The following AP2B1 variants were observed in gnomAD, a reference collection of about 807,000 sequenced individuals.
AP2B1 encodes adaptor related protein complex 2 subunit beta 1.
Under a neutral mutation model 102.0 loss-of-function variants are expected in AP2B1, and 23 were observed. The observed-to-expected ratio is 0.23, with a 90% CI of 0.16 to 0.32. The LOEUF is 0.32. Ranked by LOEUF, AP2B1 falls within the 10% of genes least tolerant of loss-of-function variation. The probability of loss-of-function intolerance (pLI) is 1.00; values close to 1 mark genes in which losing one functional copy is unlikely to be tolerated. For missense variants in AP2B1, 541 were observed against 1,157.4 expected (o/e 0.47, Z 7.73); for synonymous variants, 381 against 421.2 (o/e 0.90, Z 1.17).
At chr17:35,616,686 AGGATTCAGTCC>A (rs2074031604) in intron 5 of AP2B1, among the ~76,000 whole-genome samples, 1 of 152,194 alleles carries the variant, frequency 6.6e-6, no homozygotes, top group African/African-American at 2.4e-5. Context: ...TCGCTATTCC[AGGATTCAGTCC>A]GGAATACCAA....
chr17:35,634,212 G>C (rs1055396272), intron 9 of AP2B1, among the ~76,000 whole-genome samples: 44 of 152,306 alleles, frequency 2.9e-4, no homozygotes, highest in African/African-American at 1.0e-3. Flanking sequence ...TTTGGTGCCA[G>C]GTATTGAAGA....
intron 20 of AP2B1, among the ~76,000 whole-genome samples, chr17:35,714,720 G>GAA (rs2076518469): frequency 1.3e-5 from 2 of 152,108 alleles, no homozygotes; most frequent in African/African-American, 2.4e-5. Context: ...GAGAGAGAGA[G>GAA]AAAGCAAGGA....
chr17:35,605,630 C>A, intron 3 of AP2B1, 75 bp from the exon 4 acceptor site: 1 of 984,024 alleles, frequency 1.0e-6, no homozygotes, highest in Non-Finnish European at 1.6e-6. Flanking sequence ...TTAGTTAAGG[C>A]TATTCATGTT....
chr17:35,620,393 T>A (rs2074140944), intron 5 of AP2B1, among the ~76,000 whole-genome samples: 1 of 152,042 alleles, frequency 6.6e-6, no homozygotes, highest in African/African-American at 2.4e-5. Context: ...CAGTGAACTA[T>A]ATGATTATGC....
In AP2B1 at chr17:35,603,018, T is replaced by A. The variant is rs561838243; in HGVS notation, c.144-2687T>A. 2.6e-5 allele frequency among the ~76,000 whole-genome samples: 4 copies of A among 152,318 alleles called. No homozygotes were observed. The East Asian group carries it at 7.7e-4, about 29-fold the overall frequency. ...TACAGGTGCATGAAACTACCGTAGG[T>A]ACCATGCATACAAGTGAAACACATA... is the stretch of plus-strand genomic sequence containing the variant. On this transcript the variant is annotated intron_variant, in intron 3 of 21. Transcript: ENST00000610402.
chr17:35,624,546 C>T lies in AP2B1; in HGVS notation c.675C>T (p.Cys225=). The part of the protein sequence containing the change: ...TEWGQIFILD[C]LSNYNPKDDR... ...GGGGCCAGATTTTCATCCTGGACTG[C>T]CTGTCTAATTACAACCCTAAAGATG... The change falls in exon 6 of 22, where the codon TGC becomes TGT. Residue 225 remains cysteine, a synonymous_variant. Transcript: ENST00000610402. The T allele has an allele frequency of 6.2e-7, 1 of 1,614,084 alleles. No individual in the cohort carries two copies. Among genetic ancestry groups the T allele is most frequent in the Non-Finnish European group, 8.5e-7 (1 of 1,179,966 alleles).
At chr17:35,664,317 G>A (rs944304389) in intron 14 of AP2B1, among the ~76,000 whole-genome samples, 1 of 152,016 alleles carries the variant, frequency 6.6e-6, no homozygotes, top group Non-Finnish European at 1.5e-5. Context: ...ACAGTGGTGT[G>A]ATCATAGCTC....
rs1417983412 is a variant in AP2B1 at position 35,670,877 on chromosome 17, G to C, written c.2010G>C (p.Gly670=). The C allele has an allele frequency of 3.1e-6, 5 of 1,613,870 alleles. No homozygotes were observed. Among genetic ancestry groups the C allele is most frequent in the Non-Finnish European group, 4.2e-6 (5 of 1,179,966 alleles). Residue 670 remains glycine, a synonymous_variant, in exon 15 of 22, where the codon GGG becomes GGC. Transcript: ENST00000610402. ...TTCAGCTTGGCAGTGACCTTGGCGG[G>C]GGCATTGGAGGAAGTCCGGCAGTAA... ...LDSLLGSDLG[G]GIGGSPAVGQ...
intron 14 of AP2B1, among the ~76,000 whole-genome samples, chr17:35,663,342 T>C (rs1236429992): frequency 6.6e-6 from 1 of 152,218 alleles, no homozygotes; most frequent in Admixed American, 6.5e-5. Context: ...TGCTAGAATT[T>C]TTATAATTTC....
intron 11 of AP2B1, among the ~76,000 whole-genome samples, chr17:35,640,659 G>A (rs901232957): frequency 6.6e-6 from 1 of 152,220 alleles, no homozygotes; most frequent in African/African-American, 2.4e-5. Flanking sequence ...GCTTCACCCT[G>A]AGAGTATCTG....
At chr17:35,633,125 GGCCGA>G (rs2074508809) in intron 9 of AP2B1, among the ~76,000 whole-genome samples, 2 of 152,206 alleles carry the variant, frequency 1.3e-5, no homozygotes, top group South Asian at 2.1e-4. Context: ...CGCTTTGGGA[GGCCGA>G]GTTGGGCGGA....
chr17:35,606,811 T>C (rs2073692160), intron 4 of AP2B1, among the ~76,000 whole-genome samples: 1 of 152,178 alleles, frequency 6.6e-6, no homozygotes, highest in Non-Finnish European at 1.5e-5. Context: ...ATCATGTCTT[T>C]AAAAATGGAC....
At chr17:35,680,879 G>C (rs1222344726) in intron 17 of AP2B1, among the ~76,000 whole-genome samples, 2 of 151,648 alleles carry the variant, frequency 1.3e-5, no homozygotes, top group African/African-American at 4.8e-5. Context: ...ATTTTTAGTA[G>C]AAATGTTGTT....
intron 12 of AP2B1, among the ~76,000 whole-genome samples, chr17:35,645,003 G>A (rs961734569): frequency 6.6e-6 from 1 of 151,820 alleles, no homozygotes; most frequent in African/African-American, 2.4e-5. Flanking sequence ...CTGCACTCCA[G>A]GCTGGGTAAT....
intron 12 of AP2B1, among the ~76,000 whole-genome samples, chr17:35,647,388 C>T (rs991503220): frequency 2.0e-5 from 3 of 151,742 alleles, no homozygotes; most frequent in Non-Finnish European, 4.4e-5. Flanking sequence ...CCCTCAGTGC[C>T]CCCCCTCCCC....
At chr17:35,641,466 T>TA (rs1217808228) in intron 11 of AP2B1, among the ~76,000 whole-genome samples, 1 of 152,062 alleles carries the variant, frequency 6.6e-6, no homozygotes, top group African/African-American at 2.4e-5. Flanking sequence ...TAGTCCCAGC[T>TA]ACTTGGGAAG....
chr17:35,720,561 ATATATATATATATTTTTTTTTT>A (rs1234581362), intron 21 of AP2B1, among the ~76,000 whole-genome samples: 2 of 49,004 alleles, frequency 4.1e-5, no homozygotes, highest in African/African-American at 1.5e-4. Context: ...ATATATATAT[ATATATATATATATTTTTTTTTT>A]TTTTTTTTTT....
chr17:35,715,718 T>A (rs1555589528), intron 20 of AP2B1, among the ~76,000 whole-genome samples: 1 of 152,246 alleles, frequency 6.6e-6, no homozygotes, highest in Non-Finnish European at 1.5e-5. Flanking sequence ...TTGAGGCCCC[T>A]TCTTCCAGCA....
chr17:35,715,418 T>G (rs1045930627), intron 20 of AP2B1, among the ~76,000 whole-genome samples: 7 of 152,248 alleles, frequency 4.6e-5, no homozygotes, highest in Non-Finnish European at 1.0e-4. Context: ...ATGTATATGC[T>G]AGAATGTATT....
Sources: gnomAD v4.1 joint callset for allele counts (sites outside exome capture counted in the v4.1 genomes callset) on GRCh38, gnomAD v4.1.1 for gene constraint, MANE v1.5 for transcripts, NCBI Gene and HGNC (gene_info 2026-07-23, HGNC 2026-07-21) for gene names.